Variants in ST18 observed in about 807,000 individuals in gnomAD.
ST18 encodes the protein ST18 C2H2C-type zinc finger transcription factor, also known as suppression of tumorigenicity 18 protein.
Under a neutral mutation model 110.0 loss-of-function variants are expected in ST18, and 50 were observed. The observed-to-expected ratio is 0.45, with a 90% CI of 0.36 to 0.58. The LOEUF is 0.58. ST18 is among the 20% of genes least tolerant of loss of function. The pLI is 0.00. For missense variants in ST18, 1,306 were observed against 1,280.1 expected, an observed-to-expected ratio of 1.02 and a Z score of -0.31; for synonymous variants, 461 against 452.4, an observed-to-expected ratio of 1.02 and a Z score of -0.24.
chr8:52,300,677 AG>A (rs1252957107), intron 2 of ST18, among the ~76,000 whole-genome samples: 1 of 152,242 alleles, frequency 6.6e-6, no homozygotes, highest in Admixed American at 6.5e-5. Flanking sequence ...TTTACATTTC[AG>A]TGTTCAAAAT....
intron 3 of ST18, among the ~76,000 whole-genome samples, chr8:52,227,374 T>A (rs529394080): frequency 6.6e-6 from 1 of 152,164 alleles, no homozygotes; most frequent in Admixed American, 6.5e-5. Flanking sequence ...GAAGGTATTA[T>A]TACAGAGGGA....
At chr8:52,219,562 G>C (rs939184948) in intron 5 of ST18, among the ~76,000 whole-genome samples, 4 of 152,102 alleles carry the variant, frequency 2.6e-5, no homozygotes, top group Non-Finnish European at 5.9e-5. Context: ...AGAATCGAAG[G>C]ATGTGTGCAC....
intron 3 of ST18, chr8:52,222,097 G>A (rs1451985588): frequency 6.6e-6 from 1 of 152,024 alleles, no homozygotes; most frequent in African/African-American, 2.4e-5. Context: ...TGAAAGTAAT[G>A]GCTTTTTGTC....
intron 2 of ST18, among the ~76,000 whole-genome samples, chr8:52,269,547 C>T (rs2094998983): frequency 6.6e-6 from 1 of 152,160 alleles, no homozygotes; most frequent in Non-Finnish European, 1.5e-5. Flanking sequence ...AAGGGTGACT[C>T]CATGCAACCA....
At chr8:52,158,004 T>C (rs1359679624) in intron 15 of ST18, among the ~76,000 whole-genome samples, 1 of 152,254 alleles carries the variant, frequency 6.6e-6, no homozygotes, top group Non-Finnish European at 1.5e-5. Flanking sequence ...GCTTCAGCCA[T>C]CTAGGTAGGG....
rs545360741 is a variant in ST18, at chr8:52,355,519, A to G, written c.-465+53809T>C. On this transcript the variant is annotated intron_variant, in intron 2 of 25. Coordinates refer to ENST00000689386, the MANE Select transcript of ST18 (RefSeq NM_001352837.2). The stretch of plus-strand genomic sequence containing the variant: ...GAGACATAAAGCTCGGTTCAAAATG[A>G]CAGAGGTGGGAACTCTAGGGCTCTA... Among the ~76,000 whole-genome samples, 14 of 152,386 alleles carry G rather than the reference A, an allele frequency of 9.2e-5. No individual in the cohort carries two copies. In the South Asian group the frequency reaches 1.7e-3, roughly 18 times the overall value.
chr8:52,373,629 T>A (rs1269150595), intron 2 of ST18, among the ~76,000 whole-genome samples: 1 of 152,136 alleles, frequency 6.6e-6, no homozygotes, highest in East Asian at 1.9e-4. Flanking sequence ...CCTAGGCCAC[T>A]GGACAACTTG....
intron 2 of ST18, among the ~76,000 whole-genome samples, chr8:52,281,927 C>T (rs1301729765): frequency 6.6e-6 from 1 of 152,176 alleles, no homozygotes; most frequent in Non-Finnish European, 1.5e-5. Flanking sequence ...TATAAGACTA[C>T]ACATTGGGTA....
At chr8:52,400,036 T>C (rs892481240) in intron 2 of ST18, among the ~76,000 whole-genome samples, 2 of 152,060 alleles carry the variant, frequency 1.3e-5, no homozygotes, top group South Asian at 4.1e-4. Flanking sequence ...ATTGTATTGC[T>C]ATCTAGTTCT....
chr8:52,131,963 G>C lies in ST18; in HGVS notation c.2661C>G (p.His887Gln). 6.2e-7 allele frequency: 1 copy of C among 1,614,068 alleles called. No homozygotes were observed. The highest frequency in any genetic ancestry group is 8.5e-7 in the Non-Finnish European group (1 of 1,179,980). ...AGACAGAAAACTCATGTTACCTTCGGTGGGTGACAAAAACATTATTTACAT... is the reference window on the plus strand; with the variant it reads ...AGACAGAAAACTCATGTTACCTTCGCTGGGTGACAAAAACATTATTTACAT... Reference protein sequence around the residue: ...LGHVNNVFVTHRSLSGCPLNA... With the variant: ...LGHVNNVFVTQRSLSGCPLNA... The change falls in exon 22 of 26, where the codon CAC (histidine) becomes CAG (glutamine). Residue 887 changes from histidine to glutamine, a missense_variant. Physicochemically the swap from His to Gln is conservative, Grantham distance 24 (BLOSUM62 0). Coordinates refer to ENST00000689386, the MANE Select transcript of ST18 (RefSeq NM_001352837.2).
chr8:52,161,567 T>C lies in ST18; in HGVS notation c.1402A>G (p.Thr468Ala), dbSNP rs186046506. Reference protein sequence around the residue: ...TGQCPDQAHRTSLVKQIEFNF... With the variant: ...TGQCPDQAHRASLVKQIEFNF... Reference sequence around the variant, plus strand: ...AATTCAATTTGCTTCACCAAACTTGTCCTGGAGAGGGGGGTGAAGCAGTTC... The same window carrying C: ...AATTCAATTTGCTTCACCAAACTTGCCCTGGAGAGGGGGGTGAAGCAGTTC... The change falls in exon 14 of 26, where the codon ACA becomes GCA. Residue 468 changes from threonine to alanine, a missense_variant and splice_region_variant. Transcript: ENST00000689386. 6.2e-7 allele frequency: 1 copy of C among 1,614,038 alleles called. No individual in the cohort carries two copies. Among genetic ancestry groups the C allele is most frequent in the African/African-American group, 1.3e-5 (1 of 75,028 alleles).
chr8:52,195,865 G>A (rs781212663), intron 8 of ST18, among the ~76,000 whole-genome samples: 4 of 152,192 alleles, frequency 2.6e-5, no homozygotes, highest in South Asian at 2.1e-4. Flanking sequence ...AACAATAAGA[G>A]CTGTGAAATG....
intron 2 of ST18, among the ~76,000 whole-genome samples, chr8:52,338,251 T>C (rs571538014): frequency 7.1e-4 from 108 of 151,518 alleles, no homozygotes; most frequent in African/African-American, 2.5e-3. Flanking sequence ...AGAGATAGAG[T>C]TTCACCATGT....
intron 2 of ST18, chr8:52,403,892 A>G (rs532820709): frequency 6.6e-6 from 1 of 152,324 alleles, no homozygotes; most frequent in Non-Finnish European, 1.5e-5. Context: ...GAACAGAAAC[A>G]CTGGTGATCA....
chr8:52,312,737 C>T (rs1428589145), intron 2 of ST18, among the ~76,000 whole-genome samples: 5 of 152,156 alleles, frequency 3.3e-5, no homozygotes, highest in Admixed American at 6.5e-5. Flanking sequence ...TGCCTGGCCA[C>T]AAGAAAGCAG....
chr8:52,176,762 T>C (rs1018100534), intron 9 of ST18, among the ~76,000 whole-genome samples: 9 of 152,186 alleles, frequency 5.9e-5, no homozygotes, highest in African/African-American at 2.2e-4. Flanking sequence ...CTTTAAAACA[T>C]CCTCTGAAAG....
intron 2 of ST18, among the ~76,000 whole-genome samples, chr8:52,359,080 C>A (rs1344526475): frequency 4.6e-5 from 7 of 151,044 alleles, no homozygotes; most frequent in Non-Finnish European, 8.9e-5. Context: ...AATATGTGAA[C>A]AATCAATCAA....
At chr8:52,326,186 C>A (rs1187817820) in intron 2 of ST18, among the ~76,000 whole-genome samples, 2 of 152,134 alleles carry the variant, frequency 1.3e-5, no homozygotes, top group African/African-American at 4.8e-5. Flanking sequence ...AAAAATGAGG[C>A]TAAAATTTGA....
At chr8:52,178,812 G>T (rs1011872143) in intron 9 of ST18, among the ~76,000 whole-genome samples, 2 of 151,622 alleles carry the variant, frequency 1.3e-5, no homozygotes, top group Admixed American at 6.6e-5. Context: ...AAAAGCCAAA[G>T]AATTTACTTA....
Sources: allele counts gnomAD v4.1 joint callset (sites outside exome capture counted in the v4.1 genomes callset), GRCh38; gene constraint gnomAD v4.1.1; transcripts MANE v1.5; gene names NCBI Gene and HGNC (gene_info 2026-07-23, HGNC 2026-07-21).